Variants in BCL2 observed in about 807,000 individuals in gnomAD.
The protein encoded by BCL2 is apoptosis regulator Bcl-2.
Under a neutral mutation model 14.2 loss-of-function variants are expected in BCL2, and 1 was observed. The ratio of observed to expected loss-of-function variants is 0.07; its 90% CI spans 0.02 to 0.33. The LOEUF (loss-of-function observed/expected upper bound fraction) is 0.33, where lower values mean the gene tolerates loss of function less well. Among genes scored for constraint, BCL2 ranks in the 10% least tolerant of loss-of-function variants. The pLI is 0.99. For missense variants in BCL2, 247 were observed against 305.9 expected (o/e 0.81, Z 1.44); for synonymous variants, 151 against 137.2 (o/e 1.10, Z -0.70).
intron 2 of BCL2, among the ~76,000 whole-genome samples, chr18:63,234,284 C>A (rs368090135): frequency 6.6e-6 from 1 of 152,104 alleles, no homozygotes; most frequent in Non-Finnish European, 1.5e-5. Context: ...TGTCTCCCTC[C>A]CTGCATCAAT....
chr18:63,177,164 G>C (rs1915369750), intron 2 of BCL2, among the ~76,000 whole-genome samples: 1 of 151,702 alleles, frequency 6.6e-6, no homozygotes, highest in African/African-American at 2.4e-5. Flanking sequence ...TAATTCACCC[G>C]CTTCCATAGG....
intron 2 of BCL2, among the ~76,000 whole-genome samples, chr18:63,279,331 T>C (rs1400509383): frequency 2.6e-5 from 4 of 152,302 alleles, no homozygotes; most frequent in East Asian, 1.9e-4. Context: ...TGCAAAGAAC[T>C]CCTACAAATT....
intron 2 of BCL2, among the ~76,000 whole-genome samples, chr18:63,222,006 C>T (rs1369941040): frequency 6.6e-6 from 1 of 152,108 alleles, no homozygotes; most frequent in African/African-American, 2.4e-5. Context: ...AGAGGCCGGG[C>T]ATGGCAGCAC....
chr18:63,244,139 C>T (rs1163326659), intron 2 of BCL2, among the ~76,000 whole-genome samples: 3 of 152,014 alleles, frequency 2.0e-5, no homozygotes, highest in Admixed American at 1.3e-4. Flanking sequence ...CAGCATTTTG[C>T]GAGGCCGAGG....
At chr18:63,219,443 C>T (rs1458485226) in intron 2 of BCL2, among the ~76,000 whole-genome samples, 1 of 149,710 alleles carries the variant, frequency 6.7e-6, no homozygotes, top group Non-Finnish European at 1.5e-5. Context: ...GTATCAACCA[C>T]AGCAGAACTT....
intron 2 of BCL2, among the ~76,000 whole-genome samples, chr18:63,176,829 C>T (rs1915360831): frequency 1.3e-5 from 2 of 152,088 alleles, no homozygotes; most frequent in South Asian, 4.1e-4. Context: ...ATAACTTATT[C>T]CTTCATCTAA....
chr18:63,221,598 T>C (rs1366692290), intron 2 of BCL2, among the ~76,000 whole-genome samples: 1 of 152,222 alleles, frequency 6.6e-6, no homozygotes, highest in African/African-American at 2.4e-5. Context: ...GAGATTCTAA[T>C]GCCCATGCAG....
chr18:63,141,129 TC>T (rs1478579431), intron 2 of BCL2, among the ~76,000 whole-genome samples: 3 of 152,200 alleles, frequency 2.0e-5, no homozygotes, highest in African/African-American at 7.2e-5. Flanking sequence ...TCAATTTTCC[TC>T]ATCTGAAAAC....
Position 63,318,035 on chromosome 18 carries a change from T to A in BCL2, c.585+47A>T. ...CCACCCGCACTCCAACCCCCGCATC[T>A]CGGACCTGTGGCCTCAGCCCAGACT... is the stretch of plus-strand genomic sequence containing the variant. On this transcript the variant is annotated intron_variant, in intron 2 of 2. Coordinates refer to ENST00000333681, the MANE Select transcript of BCL2 (RefSeq NM_000633.3). The surrounding 1 kb of genome is among the most constrained non-coding windows in gnomAD (Gnocchi z 7.4). 2 of 1,597,438 alleles carry A rather than the reference T, an allele frequency of 1.3e-6. No individual in the cohort carries two copies. The highest frequency in any genetic ancestry group is 2.2e-5 in the East Asian group (1 of 44,486).
chr18:63,259,372 C>T (rs192655373), intron 2 of BCL2, among the ~76,000 whole-genome samples: 3 of 152,366 alleles, frequency 2.0e-5, no homozygotes, highest in East Asian at 3.9e-4. Context: ...CGCAGGGCTT[C>T]GCTGAGGTCT....
At chr18:63,239,775 A>T (rs1246833422) in intron 2 of BCL2, among the ~76,000 whole-genome samples, 1 of 152,044 alleles carries the variant, frequency 6.6e-6, no homozygotes, top group Non-Finnish European at 1.5e-5. Flanking sequence ...TTATCAGGTC[A>T]CATTAATCCC....
At chr18:63,225,641 C>T (rs762091460) in intron 2 of BCL2, among the ~76,000 whole-genome samples, 47 of 152,272 alleles carry the variant, frequency 3.1e-4, no homozygotes, top group Non-Finnish European at 5.4e-4. Context: ...AGTGCATGGG[C>T]GCTGGAACTT....
intron 2 of BCL2, among the ~76,000 whole-genome samples, chr18:63,147,502 G>A (rs912740525): frequency 6.6e-6 from 1 of 152,138 alleles, no homozygotes; most frequent in Admixed American, 6.5e-5. Context: ...AAGCCGGGAC[G>A]TGACCTGCCG....
chr18:63,235,553 T>C (rs1360101496), intron 2 of BCL2, among the ~76,000 whole-genome samples: 1 of 151,714 alleles, frequency 6.6e-6, no homozygotes, highest in East Asian at 1.9e-4. Flanking sequence ...TAAAAATATA[T>C]ATATATAGTT....
At chr18:63,218,379 C>T (rs1411558701) in intron 2 of BCL2, among the ~76,000 whole-genome samples, 3 of 152,130 alleles carry the variant, frequency 2.0e-5, no homozygotes, top group Admixed American at 2.0e-4. Context: ...TACTGGGGCA[C>T]AGCAGAGAGG....
chr18:63,148,324 G>T (rs575312654), intron 2 of BCL2, among the ~76,000 whole-genome samples: 2 of 152,220 alleles, frequency 1.3e-5, no homozygotes, highest in Admixed American at 1.3e-4. Context: ...AAAAGTGTCA[G>T]TGATATGCGA....
At position 63,273,030 on chromosome 18, in the gene BCL2, A is replaced by C. The variant is rs1474775534; in HGVS notation, c.585+45052T>G. Among the ~76,000 whole-genome samples, 3 of 152,266 alleles carry C rather than the reference A, an allele frequency of 2.0e-5. No homozygotes were observed. The East Asian group carries it at 5.8e-4, about 29-fold the overall frequency. ...AAGACAGAGATTGAAAAAAAAAAAA[A>C]AGCTTTTTAACCTTTTAGGAAGATT... On this transcript the variant is annotated intron_variant, in intron 2 of 2. Coordinates refer to ENST00000333681, the MANE Select transcript of BCL2 (RefSeq NM_000633.3).
At chr18:63,236,154 A>G (rs1030423592) in intron 2 of BCL2, among the ~76,000 whole-genome samples, 1 of 152,206 alleles carries the variant, frequency 6.6e-6, no homozygotes, top group Admixed American at 6.5e-5. Context: ...GCCTGCCCTC[A>G]TGTAAGACGT....
rs138091706 is a variant in BCL2 at position 63,280,440 on chromosome 18, G to A, written c.585+37642C>T. On this transcript the variant is annotated intron_variant, in intron 2 of 2. Transcript: ENST00000333681. ...CATTGCAAATTGTATATCTGATAAC[G>A]GATTAACGTCCAGAATATGTAAAGA... is the stretch of plus-strand genomic sequence containing the variant. Among the ~76,000 whole-genome samples the A allele has an allele frequency of 8.8e-3, 1,344 of 152,160 alleles. 16 individuals are homozygous for A. The highest frequency in any genetic ancestry group is 0.031 in the African/African-American group (1,266 of 41,492).
Sources: gnomAD v4.1 joint callset for allele counts (sites outside exome capture counted in the v4.1 genomes callset) on GRCh38, gnomAD v4.1.1 for gene constraint, Gnocchi (gnomAD v3.1) non-coding constraint, MANE v1.5 for transcripts, NCBI Gene and HGNC (gene_info 2026-07-23, HGNC 2026-07-21) for gene names.